The following CD2AP variants were observed in gnomAD, a reference collection of about 807,000 sequenced individuals.
CD2AP encodes CD2-associated protein.
A neutral mutation model predicts 85.1 loss-of-function variants in CD2AP; 46 were observed. The observed-to-expected ratio is 0.54, with a 90% CI of 0.43 to 0.69. The LOEUF is 0.69. Among genes scored for constraint, CD2AP ranks in the 30% least tolerant of loss-of-function variants. CD2AP has a pLI of 0.00. For synonymous variants in CD2AP, 255 were observed against 252.9 expected (o/e 1.01, Z -0.08); for missense variants, 769 against 729.5 (o/e 1.05, Z -0.62).
intron 3 of CD2AP, among the ~76,000 whole-genome samples, chr6:47,542,796 C>T (rs930766391): frequency 2.0e-5 from 3 of 151,934 alleles, no homozygotes; most frequent in Admixed American, 6.6e-5. Context: ...ATTGCAGAAG[C>T]GAATAGGGGG....
chr6:47,580,660 C>G (rs1427646163), intron 9 of CD2AP, among the ~76,000 whole-genome samples: 1 of 152,058 alleles, frequency 6.6e-6, no homozygotes. Context: ...GAATTTTGAC[C>G]AATGAGGCTG....
Position 47,574,133 on chromosome 6 carries a change from C to T in CD2AP, c.611C>T (p.Ser204Leu). ...AATGTGAGTGAAACTGCATCTGGAT[C>T]AGTTACACAGCCAAAGAAAATTCGA... ...LGNVSETASG[S>L]VTQPKKIRGI... Residue 204 changes from serine to leucine, a missense_variant, in exon 6 of 18, where the codon TCA (serine) becomes TTA (leucine). Transcript: ENST00000359314. The T allele has an allele frequency of 6.2e-7, 1 of 1,613,924 alleles. No homozygotes were observed. Among genetic ancestry groups the T allele is most frequent in the Non-Finnish European group, 8.5e-7 (1 of 1,179,886 alleles).
At chr6:47,615,629 T>C (rs9473139) in intron 17 of CD2AP, among the ~76,000 whole-genome samples, 91,658 of 151,614 alleles carry the variant, frequency 0.6, 28,516 homozygotes, top group Middle Eastern at 0.74. Context: ...ATGGATCATC[T>C]AAACACCCCA....
intron 13 of CD2AP, 44 bp from the exon 14 acceptor site, chr6:47,606,121 A>G (rs895156141): frequency 9.9e-7 from 1 of 1,011,900 alleles, no homozygotes; most frequent in African/African-American, 1.6e-5. Flanking sequence ...ACCTTTAAAA[A>G]GGTACAGTTC....
chr6:47,480,472 T>C (rs529995302), intron 1 of CD2AP, among the ~76,000 whole-genome samples: 2 of 152,334 alleles, frequency 1.3e-5, no homozygotes, highest in South Asian at 4.1e-4. Flanking sequence ...GTTTAGGTGG[T>C]ACAGCTAGAG....
intron 5 of CD2AP, among the ~76,000 whole-genome samples, chr6:47,561,191 A>C (rs912827894): frequency 1.3e-5 from 2 of 152,212 alleles, no homozygotes; most frequent in African/African-American, 4.8e-5. Context: ...ATACAATCTG[A>C]TGAGTTTGAC....
intron 1 of CD2AP, among the ~76,000 whole-genome samples, chr6:47,482,541 G>A (rs1216970223): frequency 6.6e-6 from 1 of 151,940 alleles, no homozygotes; most frequent in Admixed American, 6.6e-5. Context: ...ACCATGCCTG[G>A]CTAATTTTTT....
intron 3 of CD2AP, among the ~76,000 whole-genome samples, chr6:47,540,580 C>G (rs1356208360): frequency 1.3e-5 from 2 of 150,212 alleles, no homozygotes; most frequent in Non-Finnish European, 3.0e-5. Context: ...TCATTTTTTG[C>G]AAATGATTCT....
chr6:47,584,679 TC>T (rs1053966317), intron 11 of CD2AP, among the ~76,000 whole-genome samples: 97 of 152,236 alleles, frequency 6.4e-4, no homozygotes, highest in African/African-American at 2.3e-3. Flanking sequence ...TTTTTTATAT[TC>T]TTTTTTTATA....
At chr6:47,621,091 G>A (rs943171168) in intron 17 of CD2AP, among the ~76,000 whole-genome samples, 5 of 152,182 alleles carry the variant, frequency 3.3e-5, no homozygotes, top group Non-Finnish European at 5.9e-5. Context: ...TTGAAGAGGA[G>A]TGGTGAGAGC....
chr6:47,549,044 G>A (rs1767443520), intron 4 of CD2AP, among the ~76,000 whole-genome samples: 2 of 151,922 alleles, frequency 1.3e-5, no homozygotes, highest in Admixed American at 1.3e-4. Flanking sequence ...GGCATATAAG[G>A]GACATACATC....
intron 17 of CD2AP, among the ~76,000 whole-genome samples, chr6:47,619,619 T>C (rs1195211282): frequency 6.6e-6 from 1 of 152,232 alleles, no homozygotes; most frequent in Non-Finnish European, 1.5e-5. Flanking sequence ...GTGGTTCTAC[T>C]TTTAGTTCTT....
At chr6:47,543,451 A>G (rs981803210) in intron 3 of CD2AP, among the ~76,000 whole-genome samples, 2 of 152,184 alleles carry the variant, frequency 1.3e-5, no homozygotes, top group Non-Finnish European at 2.9e-5. Flanking sequence ...CTACCATAAC[A>G]AAATACCACA....
intron 2 of CD2AP, among the ~76,000 whole-genome samples, chr6:47,531,279 TC>T (rs1766867997): frequency 5.3e-5 from 8 of 152,274 alleles, no homozygotes; most frequent in Admixed American, 4.6e-4. Context: ...TAAGAGTTGT[TC>T]TTACTGTTGG....
chr6:47,540,861 A>G (rs1421146723), intron 3 of CD2AP, among the ~76,000 whole-genome samples: 4 of 152,352 alleles, frequency 2.6e-5, no homozygotes, highest in East Asian at 1.9e-4. Flanking sequence ...TTTCAATAAT[A>G]TGGATTGTTT....
At chr6:47,576,105 C>T (rs1200371483) in intron 6 of CD2AP, among the ~76,000 whole-genome samples, 2 of 152,158 alleles carry the variant, frequency 1.3e-5, no homozygotes, top group African/African-American at 4.8e-5. Flanking sequence ...GATAGGGTCT[C>T]ACCATGTCAT....
chr6:47,616,111 A>G (rs1175594191), intron 17 of CD2AP, among the ~76,000 whole-genome samples: 4 of 36,884 alleles, frequency 1.1e-4, no homozygotes, highest in Admixed American at 6.5e-4. Flanking sequence ...TTTTTTTTTG[A>G]GATGAAGTCT....
chr6:47,562,891 G>T, intron 5 of CD2AP: 1 of 721,298 alleles, frequency 1.4e-6, no homozygotes, highest in South Asian at 1.5e-5. Flanking sequence ...GAATGGGTAG[G>T]CCTCTGTAAA....
chr6:47,582,499 G>T (rs1423477109), intron 11 of CD2AP, among the ~76,000 whole-genome samples: 1 of 152,152 alleles, frequency 6.6e-6, no homozygotes, highest in Non-Finnish European at 1.5e-5. Context: ...GGTACCACAT[G>T]TATTTTGCTA....
Sources: gnomAD v4.1 joint callset for allele counts (sites outside exome capture counted in the v4.1 genomes callset) on GRCh38, gnomAD v4.1.1 for gene constraint, MANE v1.5 for transcripts, NCBI Gene and HGNC (gene_info 2026-07-23, HGNC 2026-07-21) for gene names.